Variants in RNPEPL1 observed in about 807,000 individuals in gnomAD.
RNPEPL1 encodes the protein arginyl aminopeptidase like 1, also known as aminopeptidase RNPEPL1.
RNPEPL1 carries 46 observed loss-of-function variants against 69.0 expected under a neutral mutation model. The observed-to-expected ratio is 0.67, with a 90% CI of 0.53 to 0.85. The LOEUF is 0.85. RNPEPL1 is among the 40% of genes least tolerant of loss of function. RNPEPL1 has a pLI of 0.00. For synonymous variants in RNPEPL1, 525 were observed against 454.1 expected (o/e 1.16, Z -1.98); for missense variants, 869 against 992.5 (o/e 0.88, Z 1.67).
rs2093050680 is a variant in RNPEPL1, at chr2:240,580,877, G to GA, written c.*2991dup. On this transcript the variant is annotated 3_prime_UTR_variant, in exon 11 of 11. Transcript: ENST00000270357. ...GAGATAGATTAGAAAGCTGAAGCCT[G>GA]AAAAAACAGTGAAGGAGACCCATGC... 6.6e-6 allele frequency: 1 copy of GA among 152,206 alleles called. No individual in the cohort carries two copies. The highest frequency in any genetic ancestry group is 2.4e-5 in the African/African-American group (1 of 41,456). The allele number at this position is 152,206 out of a possible 1,614,324, so 9.4% of individuals were successfully genotyped here.
intron 1 of RNPEPL1, among the ~76,000 whole-genome samples, chr2:240,570,704 C>T (rs1369756719): frequency 2.0e-5 from 3 of 152,206 alleles, no homozygotes; most frequent in African/African-American, 4.8e-5. Flanking sequence ...GCAAGAACAG[C>T]GTTCTTCCTG....
chr2:240,575,829 C>G, intron 8 of RNPEPL1: 1 of 573,232 alleles, frequency 1.7e-6, no homozygotes, highest in Non-Finnish European at 3.1e-6. Context: ...ACAGGCTAAG[C>G]AGGCCGAGTC....
intron 10 of RNPEPL1, among the ~76,000 whole-genome samples, chr2:240,577,235 G>C (rs992364751): frequency 6.6e-6 from 1 of 152,196 alleles, no homozygotes; most frequent in Non-Finnish European, 1.5e-5. Flanking sequence ...GGAGTTTAGG[G>C]TCCAGGCCAC....
At position 240,577,703 on chromosome 2, in the gene RNPEPL1, C is replaced by T; in HGVS notation, c.1989C>T (p.Pro663=). ...VFYQTQGRLH[P]NLRRAIQQIL... The stretch of plus-strand genomic sequence containing the variant: ...ACCAGACGCAGGGCCGGCTGCACCC[C>T]AACCTGCGCAGAGCCATCCAGCAGA... Residue 663 remains proline (P), a synonymous_variant, in exon 11 of 11, where the codon CCC becomes CCT. Coordinates refer to ENST00000270357, the MANE Select transcript of RNPEPL1 (RefSeq NM_018226.6). 1 of 1,612,696 alleles carries T rather than the reference C, an allele frequency of 6.2e-7. No homozygotes were observed. Among genetic ancestry groups the T allele is most frequent in the Non-Finnish European group, 8.5e-7 (1 of 1,179,734 alleles).
Position 240,578,029 on chromosome 2 carries a change from G to A in RNPEPL1, c.*137G>A. The A allele has an allele frequency of 1.1e-6, 1 of 872,290 alleles. No individual in the cohort carries two copies. The allele number at this position is 872,290 out of a possible 1,614,324, so 54.0% of individuals were successfully genotyped here. Reference sequence around the variant, plus strand: ...CAAGCCCCTCCCCTGGGCTCTCCCAGGCAGGGAGAATGGGGAGAGGGACCT... The same window carrying A: ...CAAGCCCCTCCCCTGGGCTCTCCCAAGCAGGGAGAATGGGGAGAGGGACCT... On this transcript the variant is annotated 3_prime_UTR_variant, in exon 11 of 11. Transcript: ENST00000270357.
rs2093042669 is a variant in RNPEPL1, at chr2:240,577,949, G to T, written c.*57G>T. 1 of 1,399,234 alleles carries T rather than the reference G, an allele frequency of 7.1e-7. No individual in the cohort carries two copies. 86.7% of individuals were successfully genotyped at this position (1,399,234 alleles called of 1,614,324 possible). A position where few individuals can be genotyped will look rare whatever the true frequency, so the allele number is the denominator to read the frequency against. On this transcript the variant is annotated 3_prime_UTR_variant, in exon 11 of 11. Transcript: ENST00000270357. ...GACACCACAATTGTGCCTTCTGTGG[G>T]CCAGGCCTGCCATGACTGCGTCTCG...
chr2:240,569,471 G>T (rs902822432), intron 1 of RNPEPL1, among the ~76,000 whole-genome samples: 1 of 152,226 alleles, frequency 6.6e-6, no homozygotes, highest in Non-Finnish European at 1.5e-5. Context: ...TGACCAGTGC[G>T]TGCAGATGAG....
At chr2:240,575,459 C>T (rs751501727) in intron 7 of RNPEPL1, 43 bp from the exon 8 acceptor site, 6 of 1,551,070 alleles carry the variant, frequency 3.9e-6, no homozygotes, top group Non-Finnish European at 5.3e-6. Context: ...CTGCCTGTGC[C>T]CCACCCTTCC....
chr2:240,571,459 G>A (rs1455763936), intron 1 of RNPEPL1, among the ~76,000 whole-genome samples: 2 of 152,198 alleles, frequency 1.3e-5, no homozygotes, highest in African/African-American at 4.8e-5. Context: ...GATACGACGT[G>A]CAGGGCTGAC....
Position 240,574,094 on chromosome 2 carries a change from C to A in RNPEPL1, c.939-19C>A. On this transcript the variant is annotated intron_variant, in intron 4 of 10. Transcript: ENST00000270357. Reference sequence around the variant, plus strand: ...TCTGAGCCCCGAGGTCTGCCACCCTCACCGCCCTCCCGGTGCAGGTACGAC... The same window carrying A: ...TCTGAGCCCCGAGGTCTGCCACCCTAACCGCCCTCCCGGTGCAGGTACGAC... 1.2e-6 allele frequency: 2 copies of A among 1,606,676 alleles called. No individual in the cohort carries two copies. Among genetic ancestry groups the A allele is most frequent in the Non-Finnish European group, 1.7e-6 (2 of 1,175,098 alleles).
At position 240,573,892 on chromosome 2, in the gene RNPEPL1, G is replaced by T; in HGVS notation, c.938+1G>T. 1 of 1,577,058 alleles carries T rather than the reference G, an allele frequency of 6.3e-7. No individual in the cohort carries two copies. The highest frequency in any genetic ancestry group is 8.6e-7 in the Non-Finnish European group (1 of 1,160,750). On this transcript the variant is annotated splice_donor_variant, in intron 4 of 10. Coordinates refer to ENST00000270357, the MANE Select transcript of RNPEPL1 (RefSeq NM_018226.6). LOFTEE classifies it high-confidence loss of function. The stretch of plus-strand genomic sequence containing the variant: ...TGTATGGGCCCTACATGTGGGGCAG[G>T]TAGGCCCCGGGGACCTGTGGACCTG...
rs1486291645 is a variant in RNPEPL1, at chr2:240,576,536, G to T, written c.1512G>T (p.Gly504=). ...CCCAGGGTCACTTCTCCCCTCTAGG[G>T]CTGGAATTCGAGCGCTGGCTCAATG... ...LKEQSVDCRA[G]LEFERWLNAT... The change falls in exon 9 of 11, where the codon GGG becomes GGT. Residue 504 remains glycine, a splice_region_variant and synonymous_variant. Coordinates refer to ENST00000270357, the MANE Select transcript of RNPEPL1 (RefSeq NM_018226.6). The T allele has an allele frequency of 6.2e-7, 1 of 1,610,236 alleles. No homozygotes were observed. Among genetic ancestry groups the T allele is most frequent in the Admixed American group, 1.7e-5 (1 of 59,602 alleles).
rs1364374460 is a variant in RNPEPL1, at chr2:240,578,643, G to C, written c.*751G>C. 6.6e-6 allele frequency: 1 copy of C among 152,504 alleles called. No individual in the cohort carries two copies. The highest frequency in any genetic ancestry group is 2.4e-5 in the African/African-American group (1 of 41,446). 9.4% of individuals were successfully genotyped at this position (152,504 alleles called of 1,614,324 possible). A position where few individuals can be genotyped will look rare whatever the true frequency, so the allele number is the denominator to read the frequency against. On this transcript the variant is annotated 3_prime_UTR_variant, in exon 11 of 11. Coordinates refer to ENST00000270357, the MANE Select transcript of RNPEPL1 (RefSeq NM_018226.6). ...TCTCCAGGCCCACCATGCTGGGAGA[G>C]GCGGCCAGAGCCTGGGGCCTCCAGC...
intron 8 of RNPEPL1, chr2:240,576,333 C>T (rs1303173459): frequency 5.0e-6 from 3 of 601,958 alleles, no homozygotes; most frequent in Non-Finnish European, 8.8e-6. Flanking sequence ...CTCTGCTTCC[C>T]TGTACCCCTT....
rs757005191 is a variant in RNPEPL1 at position 240,577,662 on chromosome 2, G to A, written c.1948G>A (p.Ala650Thr). Residue 650 changes from alanine (A) to threonine (T), a missense_variant, in exon 11 of 11, where the codon GCG becomes ACG. By Grantham distance (58) the Ala-to-Thr change is moderately conservative (BLOSUM62 0). Coordinates refer to ENST00000270357, the MANE Select transcript of RNPEPL1 (RefSeq NM_018226.6). ...CTGCACCGGTGCCCTCAAGTCCTTC[G>A]CGCTGGAGGTCTTCTACCAGACGCA... The part of the protein sequence containing the change: ...DLCTGALKSF[A>T]LEVFYQTQGR... The A allele has an allele frequency of 3.1e-6, 5 of 1,612,392 alleles. No homozygotes were observed. The highest frequency in any genetic ancestry group is 2.2e-5 in the East Asian group (1 of 44,842).
chr2:240,575,360 T>C, intron 7 of RNPEPL1, 142 bp from the exon 8 acceptor site: 1 of 809,278 alleles, frequency 1.2e-6, no homozygotes. Context: ...GCGTGCCAAG[T>C]GCTGGCTCCG....
chr2:240,573,225 T>C lies in RNPEPL1; in HGVS notation c.785T>C (p.Val262Ala). The stretch of plus-strand genomic sequence containing the variant: ...GTGCCCGCCTACCTCGTGGCCCTGG[T>C]GGCCGGAGACCTCAAGCCGGCAGAC... ...HPVPAYLVAL[V>A]AGDLKPADIG... The change falls in exon 3 of 11, where the codon GTG (valine) becomes GCG (alanine). Residue 262 changes from valine to alanine, a missense_variant. Val to Ala is a moderately conservative substitution (Grantham distance 64). This residue lies in a region of RNPEPL1 where 610 missense variants were observed against 790.9 expected (regional missense o/e 0.77). Coordinates refer to ENST00000270357, the MANE Select transcript of RNPEPL1 (RefSeq NM_018226.6). 4 of 1,575,220 alleles carry C rather than the reference T, an allele frequency of 2.5e-6. No homozygotes were observed. The highest frequency in any genetic ancestry group is 8.6e-7 in the Non-Finnish European group (1 of 1,160,838).
Position 240,568,561 on chromosome 2 carries a change from A to G in RNPEPL1, c.-26A>G, listed in dbSNP as rs907554330. 4.2e-6 allele frequency: 4 copies of G among 949,122 alleles called. No individual in the cohort carries two copies. The highest frequency in any genetic ancestry group is 6.7e-5 in the Admixed American group (1 of 14,948). The allele number at this position is 949,122 out of a possible 1,614,324, so 58.8% of individuals were successfully genotyped here. On this transcript the variant is annotated 5_prime_UTR_variant, in exon 1 of 11. An upstream start codon of the reference 5' UTR is lost. Coordinates refer to ENST00000270357, the MANE Select transcript of RNPEPL1 (RefSeq NM_018226.6). The surrounding 1 kb of genome is among the most constrained non-coding windows in gnomAD (Gnocchi z 6.2). ...CCGCGGCCCGGCGCGGCCGCCGCCC[A>G]TGGATTTCACCTAGTGCCGGCGGCC...
At position 240,570,628 on chromosome 2, in the gene RNPEPL1, C is replaced by G. The variant is rs551255778; in HGVS notation, c.528+1514C>G. On this transcript the variant is annotated intron_variant, in intron 1 of 10. Coordinates refer to ENST00000270357, the MANE Select transcript of RNPEPL1 (RefSeq NM_018226.6). ...GGAGGCCCTGCCAGTGGGCCCCAGG[C>G]CCCCAGAGGCTTTTTGGAGGTGCTG... Among the ~76,000 whole-genome samples the G allele has an allele frequency of 2.0e-5, 3 of 152,326 alleles. No homozygotes were observed. The East Asian group carries it at 5.8e-4, about 29-fold the overall frequency.
Sources: gnomAD v4.1 joint callset for allele counts (sites outside exome capture counted in the v4.1 genomes callset) on GRCh38, gnomAD v4.1.1 for gene constraint, gnomAD v4.1.1 regional missense constraint, Gnocchi (gnomAD v3.1) non-coding constraint, MANE v1.5 for transcripts, NCBI Gene and HGNC (gene_info 2026-07-23, HGNC 2026-07-21) for gene names.